Variants in SMG5 observed in about 807,000 individuals in gnomAD.
The protein encoded by SMG5 is nonsense-mediated mRNA decay factor SMG5.
In SMG5, 53 loss-of-function variants were observed where a neutral mutation model predicts 122.9. That is an observed-to-expected ratio of 0.43 (90% CI 0.35 to 0.54). The LOEUF (loss-of-function observed/expected upper bound fraction) is 0.54, where lower values mean the gene tolerates loss of function less well. SMG5 is among the 20% of genes least tolerant of loss of function. The pLI is 0.01. For missense variants in SMG5, 1,153 were observed against 1,285.6 expected (o/e 0.90, Z 1.58); for synonymous variants, 477 against 490.2 (o/e 0.97, Z 0.35).
chr1:156,253,671 A>ATTTT, intron 16 of SMG5, 163 bp from the exon 17 acceptor site: 1 of 675,916 alleles, frequency 1.5e-6, no homozygotes, highest in Non-Finnish European at 2.7e-6. Context: ...AAGAAAAAAT[A>ATTTT]TTCTTCCACT....
the SMG5 span, chr1:156,291,258 T>A: frequency 1.3e-6 from 1 of 756,838 alleles, no homozygotes; most frequent in Non-Finnish European, 2.2e-6. Context: ...TGGCTGTATT[T>A]GGAAGTACCA....
intron 20 of SMG5, 22 bp downstream of exon 20, chr1:156,251,381 G>A (rs754370226): frequency 1.5e-5 from 24 of 1,613,828 alleles, no homozygotes; most frequent in Admixed American, 3.3e-5. Context: ...TGAGGTTCTA[G>A]GGGTGAGGGC....
In SMG5 at chr1:156,259,089, G is replaced by A. The variant is rs1304937742; in HGVS notation, c.2358C>T (p.Phe786=). The change falls in exon 16 of 22, where the codon TTC becomes TTT. Residue 786 remains phenylalanine (F), a synonymous_variant. Transcript: ENST00000361813. ...TGACGAAGATGCCAACCTCTGGGTTGAACTGCAGGATGCTGCCTTGCAGGC... is the reference window on the plus strand; with the variant it reads ...TGACGAAGATGCCAACCTCTGGGTTAAACTGCAGGATGCTGCCTTGCAGGC... ...IARLQGSILQ[F]NPEVGIFVSI... 1 of 1,612,104 alleles carries A rather than the reference G, an allele frequency of 6.2e-7. No individual in the cohort carries two copies. The highest frequency in any genetic ancestry group is 2.2e-5 in the East Asian group (1 of 44,864).
Position 156,265,815 on chromosome 1 carries a change from G to C in SMG5, c.1821C>G (p.Cys607Trp), listed in dbSNP as rs185984683. 6.2e-7 allele frequency: 1 copy of C among 1,614,124 alleles called. No individual in the cohort carries two copies. Among genetic ancestry groups the C allele is most frequent in the Admixed American group, 1.7e-5 (1 of 60,028 alleles). The change falls in exon 12 of 22, where the codon TGC becomes TGG. Residue 607 changes from cysteine to tryptophan, a missense_variant. Transcript: ENST00000361813. ...AAGGCTTGTCTACATCCCCATTGAC[G>C]CAAGGCCTGTGGCTGGCCGAGGTAT... ...NPHTSASHRP[C>W]VNGDVDKPSE...
chr1:156,261,271 A>T, intron 14 of SMG5, 62 bp downstream of exon 14: 1 of 1,515,632 alleles, frequency 6.6e-7, no homozygotes. Context: ...GGGAGGGGAG[A>T]TGGGCTTAGT....
chr1:156,289,929 G>T, the SMG5 span, among the ~76,000 whole-genome samples: 6 of 152,144 alleles, frequency 3.9e-5, no homozygotes, highest in Non-Finnish European at 7.3e-5. Context: ...CTTTACCTCT[G>T]CCCCTCAAAT....
intron 10 of SMG5, 140 bp from the exon 11 acceptor site, chr1:156,266,818 A>C: frequency 1.1e-6 from 1 of 950,364 alleles, no homozygotes; most frequent in Non-Finnish European, 1.5e-6. Flanking sequence ...TTTTTTTTTT[A>C]ACTTTTTAGA....
intron 3 of SMG5, 53 bp from the exon 4 acceptor site, chr1:156,277,294 C>A: frequency 1.9e-6 from 3 of 1,567,970 alleles, no homozygotes; most frequent in East Asian, 2.3e-5. Flanking sequence ...CAGAGTCGCA[C>A]TCACCCTCCC....
chr1:156,252,387 G>C, intron 19 of SMG5, 27 bp downstream of exon 19: 1 of 1,608,426 alleles, frequency 6.2e-7, no homozygotes, highest in Non-Finnish European at 8.5e-7. Flanking sequence ...CCAGGGCTCA[G>C]CACAGGTCCA....
At chr1:156,256,306 CTCTCTTTTTTTTTTTTT>C (rs1661573764) in intron 16 of SMG5, among the ~76,000 whole-genome samples, 1 of 138,204 alleles carries the variant, frequency 7.2e-6, no homozygotes, top group Non-Finnish European at 1.6e-5. Flanking sequence ...GAGCCATCTT[CTCTCTTTTTTTTTTTTT>C]TTTTTTTTTT....
In SMG5 at chr1:156,266,235, T is replaced by C; in HGVS notation, c.1401A>G (p.Lys467=). 3 of 1,614,170 alleles carry C rather than the reference T, an allele frequency of 1.9e-6. No individual in the cohort carries two copies. Among genetic ancestry groups the C allele is most frequent in the Non-Finnish European group, 2.5e-6 (3 of 1,180,038 alleles). ...CACTCAGGTCACTGTCATCACCAAC[T>C]TTGGGTGGGTGGCGGCGACGGCGGA... ...SCLRRRRHPP[K]VGDDSDLSEG... Residue 467 remains lysine (K), a synonymous_variant, in exon 12 of 22, where the codon AAA becomes AAG. Transcript: ENST00000361813.
At chr1:156,267,429 A>G in intron 10 of SMG5, 41 bp downstream of exon 10, 1 of 1,599,608 alleles carries the variant, frequency 6.3e-7, no homozygotes, top group South Asian at 1.1e-5. Context: ...GAGGATCCCC[A>G]AAGCCAGTGG....
At chr1:156,277,342 T>C in intron 3 of SMG5, 101 bp from the exon 4 acceptor site, 1 of 1,293,304 alleles carries the variant, frequency 7.7e-7, no homozygotes. Context: ...GAACTTCATC[T>C]ACATCTACTC....
intron 4 of SMG5, among the ~76,000 whole-genome samples, chr1:156,274,894 C>T (rs776392731): frequency 6.6e-6 from 1 of 152,042 alleles, no homozygotes; most frequent in Non-Finnish European, 1.5e-5. Flanking sequence ...GACTTATAGG[C>T]AGATTCATTC....
At chr1:156,262,750 A>G (rs1661912547) in intron 13 of SMG5, among the ~76,000 whole-genome samples, 1 of 152,194 alleles carries the variant, frequency 6.6e-6, no homozygotes, top group Non-Finnish European at 1.5e-5. Flanking sequence ...CCTGGCCCTG[A>G]CCCAAACCGT....
intron 6 of SMG5, among the ~76,000 whole-genome samples, 180 bp from the exon 7 acceptor site, chr1:156,272,578 C>CT (rs35318466): frequency 0.024 from 3,475 of 146,304 alleles, 128 homozygotes; most frequent in African/African-American, 0.081. Flanking sequence ...CTGACCTCTT[C>CT]TTTTTTTTTT....
intron 6 of SMG5, among the ~76,000 whole-genome samples, chr1:156,272,923 G>C (rs549411411): frequency 6.6e-6 from 1 of 152,240 alleles, no homozygotes; most frequent in South Asian, 2.1e-4. Context: ...GGCGTTACCT[G>C]AATTGATGGA....
At chr1:156,291,492 T>G in the SMG5 span, 2 of 1,612,970 alleles carry the variant, frequency 1.2e-6, no homozygotes, top group Non-Finnish European at 1.7e-6. Context: ...CTCTACTACA[T>G]GTTCGTGGTG....
chr1:156,265,891 C>G lies in SMG5; in HGVS notation c.1745G>C (p.Arg582Pro). ...TQMFQTKRCFRLAPTFSNLLL... is the reference protein window; with the variant it reads ...TQMFQTKRCFPLAPTFSNLLL... ...CAGGTTGCTAAAGGTGGGGGCCAGT[C>G]GGAAGCAGCGCTTAGTCTGGAACAT... The change falls in exon 12 of 22, where the codon CGA becomes CCA. Residue 582 changes from arginine (R) to proline (P), a missense_variant. Transcript: ENST00000361813. 1 of 1,614,068 alleles carries G rather than the reference C, an allele frequency of 6.2e-7. No homozygotes were observed. Among genetic ancestry groups the G allele is most frequent in the Non-Finnish European group, 8.5e-7 (1 of 1,180,012 alleles).
Sources: gnomAD v4.1 joint callset for allele counts (sites outside exome capture counted in the v4.1 genomes callset) on GRCh38, gnomAD v4.1.1 for gene constraint, MANE v1.5 for transcripts, NCBI Gene and HGNC (gene_info 2026-07-23, HGNC 2026-07-21) for gene names.